Variants in VPS13B observed in about 807,000 individuals in gnomAD.
VPS13B encodes vacuolar protein sorting 13 homolog B, also known as intermembrane lipid transfer protein VPS13B.
VPS13B carries 285 observed loss-of-function variants against 426.4 expected under a neutral mutation model. The ratio of observed to expected loss-of-function variants is 0.67; its 90% CI spans 0.61 to 0.74. The LOEUF is 0.74. Ranked by LOEUF, VPS13B falls within the 30% of genes least tolerant of loss-of-function variation. The pLI is 0.00. For synonymous variants in VPS13B, 1,676 were observed against 1,676.4 expected (o/e 1.00, Z 0.01); for missense variants, 4,537 against 4,782.6 (o/e 0.95, Z 1.51).
At chr8:99,447,162 T>A (rs989104000) in intron 23 of VPS13B, among the ~76,000 whole-genome samples, 1 of 152,204 alleles carries the variant, frequency 6.6e-6, no homozygotes, top group African/African-American at 2.4e-5. Context: ...TTTTGAAGCC[T>A]GGCCTGAAAG....
intron 33 of VPS13B, among the ~76,000 whole-genome samples, chr8:99,622,935 T>A (rs1828429896): frequency 6.6e-6 from 1 of 152,210 alleles, no homozygotes; most frequent in South Asian, 2.1e-4. Flanking sequence ...CTCACCTAGA[T>A]TACTAAGGTA....
intron 19 of VPS13B, among the ~76,000 whole-genome samples, chr8:99,280,608 T>A (rs1233941466): frequency 6.6e-6 from 1 of 152,212 alleles, no homozygotes; most frequent in Non-Finnish European, 1.5e-5. Flanking sequence ...TTGATACATG[T>A]TAGCCGCCTT....
intron 30 of VPS13B, among the ~76,000 whole-genome samples, chr8:99,539,033 G>GA (rs1274433693): frequency 6.6e-6 from 1 of 152,098 alleles, no homozygotes; most frequent in Non-Finnish European, 1.5e-5. Flanking sequence ...TATTCCATAA[G>GA]AAAGTATTTC....
intron 19 of VPS13B, among the ~76,000 whole-genome samples, chr8:99,360,164 T>TTCTC (rs1200763126): frequency 1.3e-4 from 5 of 39,616 alleles, no homozygotes; most frequent in African/African-American, 5.8e-4. Context: ...CTTTCTTTCT[T>TTCTC]TCTTTCTTTC....
chr8:99,376,951 A>G (rs937131985), intron 19 of VPS13B, among the ~76,000 whole-genome samples: 1 of 152,050 alleles, frequency 6.6e-6, no homozygotes, highest in African/African-American at 2.4e-5. Flanking sequence ...TCAATGTAAC[A>G]TTAGGTATGT....
chr8:99,776,709 C>A, intron 40 of VPS13B, 66 bp from the exon 41 acceptor site: 1 of 1,449,204 alleles, frequency 6.9e-7, no homozygotes, highest in Non-Finnish European at 9.7e-7. Context: ...TATAAAAAGA[C>A]GTTTCACTCA....
intron 17 of VPS13B, chr8:99,209,642 A>C (rs539383494): frequency 1.7e-6 from 1 of 595,428 alleles, no homozygotes; most frequent in South Asian, 3.9e-5. Context: ...CCTGGCCTCA[A>C]ATGATCCTCC....
chr8:99,292,289 A>T (rs906027566), intron 19 of VPS13B, among the ~76,000 whole-genome samples: 2 of 152,196 alleles, frequency 1.3e-5, no homozygotes, highest in African/African-American at 4.8e-5. Flanking sequence ...ATCTTTATCA[A>T]GTTAATATAA....
chr8:99,190,973 A>T (rs955487427), intron 16 of VPS13B, among the ~76,000 whole-genome samples: 2 of 152,058 alleles, frequency 1.3e-5, no homozygotes, highest in African/African-American at 4.8e-5. Flanking sequence ...TGTAGTACAG[A>T]TATGCTGGTG....
In VPS13B at chr8:99,112,420, G is replaced by A. The variant is rs540920454; in HGVS notation, c.762+1141G>A. Among the ~76,000 whole-genome samples, 5 of 151,872 alleles carry A rather than the reference G, an allele frequency of 3.3e-5. No homozygotes were observed. The East Asian group carries it at 7.7e-4, about 23-fold the overall frequency. ...AAAAATATAGTATTTTCTATTTTAC[G>A]TAGCCTTACTGTACTTAATATGTAA... On this transcript the variant is annotated intron_variant, in intron 6 of 61. Transcript: ENST00000357162.
chr8:99,278,894 C>T (rs1819028704), intron 19 of VPS13B, among the ~76,000 whole-genome samples: 1 of 152,186 alleles, frequency 6.6e-6, no homozygotes, highest in Admixed American at 6.5e-5. Flanking sequence ...GAGCTGAAGG[C>T]TCTTATTAGA....
At chr8:99,202,018 T>A (rs923476477) in intron 17 of VPS13B, among the ~76,000 whole-genome samples, 1 of 152,240 alleles carries the variant, frequency 6.6e-6, no homozygotes, top group Non-Finnish European at 1.5e-5. Context: ...GCTTAATCTG[T>A]TGTTCTTGTC....
At chr8:99,457,062 C>CA (rs775817606) in intron 23 of VPS13B, among the ~76,000 whole-genome samples, 58 of 149,130 alleles carry the variant, frequency 3.9e-4, no homozygotes, top group Non-Finnish European at 8.0e-4. Flanking sequence ...GACAGAATCT[C>CA]ACTCTGTCGC....
At chr8:99,578,068 G>A (rs1207310857) in intron 33 of VPS13B, among the ~76,000 whole-genome samples, 2 of 152,128 alleles carry the variant, frequency 1.3e-5, no homozygotes, top group Non-Finnish European at 2.9e-5. Flanking sequence ...AGTGGGAAAT[G>A]AATGGACACA....
chr8:99,404,056 A>G (rs1178181647), intron 21 of VPS13B, among the ~76,000 whole-genome samples: 1 of 152,188 alleles, frequency 6.6e-6, no homozygotes, highest in Non-Finnish European at 1.5e-5. Context: ...TGAACAATAC[A>G]GTTTTGCTTA....
chr8:99,282,555 A>G (rs960785107), intron 19 of VPS13B, among the ~76,000 whole-genome samples: 4 of 152,166 alleles, frequency 2.6e-5, no homozygotes, highest in Non-Finnish European at 5.9e-5. Context: ...ATGAAATTTC[A>G]CCTAATTGAT....
intron 3 of VPS13B, among the ~76,000 whole-genome samples, chr8:99,087,491 T>A (rs1268003261): frequency 5.3e-5 from 8 of 152,002 alleles, no homozygotes; most frequent in African/African-American, 1.9e-4. Flanking sequence ...CACTCCCCAG[T>A]GAGATGAACC....
chr8:99,666,959 G>A (rs182492757), intron 35 of VPS13B, among the ~76,000 whole-genome samples: 2 of 152,178 alleles, frequency 1.3e-5, no homozygotes, highest in Admixed American at 1.3e-4. Flanking sequence ...GTACTTTTGT[G>A]TTTCTTAAGA....
chr8:99,337,775 C>G (rs1305951964), intron 19 of VPS13B, among the ~76,000 whole-genome samples: 1 of 151,890 alleles, frequency 6.6e-6, no homozygotes, highest in Non-Finnish European at 1.5e-5. Context: ...ATGATTAGTG[C>G]TTTTTTGGAC....
Sources: gnomAD v4.1 joint callset for allele counts (sites outside exome capture counted in the v4.1 genomes callset) on GRCh38, gnomAD v4.1.1 for gene constraint, MANE v1.5 for transcripts, NCBI Gene and HGNC (gene_info 2026-07-23, HGNC 2026-07-21) for gene names.